SOX6: variants seen among roughly 807,000 people sequenced by gnomAD.
SOX6 encodes the protein SRY-box transcription factor 6.
In SOX6, 11 loss-of-function variants were observed where a neutral mutation model predicts 97.8. That is an observed-to-expected ratio of 0.11 (90% CI 0.07 to 0.19). SOX6 has a LOEUF of 0.19. Ranked by LOEUF, SOX6 falls within the 10% of genes least tolerant of loss-of-function variation. The pLI is 1.00. For missense variants in SOX6, 810 were observed against 1,039.5 expected (o/e 0.78, Z 3.04); for synonymous variants, 360 against 371.4 (o/e 0.97, Z 0.35).
intron 1 of SOX6, 112 bp from the exon 2 acceptor site, chr11:16,341,364 A>C: frequency 2.8e-6 from 4 of 1,443,066 alleles, no homozygotes; most frequent in Non-Finnish European, 3.7e-6. Flanking sequence ...CTTTAGAGAT[A>C]TTTGTGGTCC....
intron 6 of SOX6, among the ~76,000 whole-genome samples, chr11:16,146,595 T>C (rs1428817125): frequency 1.3e-5 from 2 of 151,994 alleles, no homozygotes; most frequent in Admixed American, 6.6e-5. Flanking sequence ...ATTTTTGCAA[T>C]CTACTTATCT....
At chr11:16,316,006 T>C (rs1290319892) in intron 3 of SOX6, 1 of 152,154 alleles carries the variant, frequency 6.6e-6, no homozygotes. Context: ...GAATGCATCA[T>C]ACTGTACTTC....
intron 12 of SOX6, among the ~76,000 whole-genome samples, chr11:16,018,819 T>G (rs1295244382): frequency 6.6e-6 from 1 of 152,080 alleles, no homozygotes; most frequent in Non-Finnish European, 1.5e-5. Flanking sequence ...ATAGTGTCAT[T>G]AAATTTTTAC....
intron 1 of SOX6, among the ~76,000 whole-genome samples, chr11:16,446,913 CTTCTTTCT>C (rs1233515599): frequency 6.9e-6 from 1 of 145,334 alleles, no homozygotes; most frequent in African/African-American, 2.5e-5. Context: ...TCCTTCTTTC[CTTCTTTCT>C]TTCTTTCTGT....
intron 6 of SOX6, among the ~76,000 whole-genome samples, chr11:16,124,693 G>A (rs1352592621): frequency 6.6e-6 from 1 of 151,966 alleles, no homozygotes; most frequent in Non-Finnish European, 1.5e-5. Context: ...GGTTATTTAG[G>A]GCCTTGTAGA....
At chr11:16,142,505 T>C (rs1850171859) in intron 6 of SOX6, among the ~76,000 whole-genome samples, 1 of 152,176 alleles carries the variant, frequency 6.6e-6, no homozygotes, top group South Asian at 2.1e-4. Flanking sequence ...GGACAGAGAA[T>C]GACTTTGACG....
chr11:16,142,916 G>A (rs1457668043), intron 6 of SOX6, among the ~76,000 whole-genome samples: 1 of 152,038 alleles, frequency 6.6e-6, no homozygotes, highest in Non-Finnish European at 1.5e-5. Context: ...AACCAAGTTG[G>A]AAAACACTCT....
At chr11:16,046,439 G>A (rs1855832928) in intron 12 of SOX6, 75 bp downstream of exon 12, 1 of 1,529,208 alleles carries the variant, frequency 6.5e-7, no homozygotes, top group Non-Finnish European at 9.0e-7. Context: ...GTTGATACCT[G>A]GGAGCCTGGA....
rs1853256361 is a variant in SOX6, at chr11:15,970,015, T to C, written c.*2794A>G. 6.6e-6 allele frequency: 1 copy of C among 152,202 alleles called. No homozygotes were observed. Among genetic ancestry groups the C allele is most frequent in the African/African-American group, 2.4e-5 (1 of 41,444 alleles). 9.4% of individuals were successfully genotyped at this position (152,202 alleles called of 1,614,324 possible). ...GCAGAGCTGGAGCTAAAACAAAGTG[T>C]TCATACACACATGTATTTTGCATAA... is the stretch of plus-strand genomic sequence containing the variant. On this transcript the variant is annotated 3_prime_UTR_variant, in exon 16 of 16. Transcript: ENST00000683767.
At chr11:16,668,958 C>T (rs1025484156) in intron 3 of SOX6, among the ~76,000 whole-genome samples, 2 of 152,190 alleles carry the variant, frequency 1.3e-5, no homozygotes, top group African/African-American at 4.8e-5. Context: ...ACTTTAACAC[C>T]ATGCTTTCAG....
At chr11:16,295,642 G>C (rs1433962045) in intron 3 of SOX6, among the ~76,000 whole-genome samples, 2 of 152,108 alleles carry the variant, frequency 1.3e-5, no homozygotes, top group East Asian at 3.9e-4. Flanking sequence ...ATCTAACCTT[G>C]CTGACCCCCT....
intron 6 of SOX6, among the ~76,000 whole-genome samples, chr11:16,147,375 T>C (rs902143233): frequency 4.6e-5 from 7 of 152,028 alleles, no homozygotes; most frequent in Non-Finnish European, 1.0e-4. Flanking sequence ...GAGGGAAGGA[T>C]AGCATTAGGA....
intron 4 of SOX6, among the ~76,000 whole-genome samples, chr11:16,567,561 CTTTTTTTTTTT>C (rs59320140): frequency 2.3e-5 from 2 of 87,322 alleles, no homozygotes; most frequent in African/African-American, 8.1e-5. Context: ...ATATTTTTTT[CTTTTTTTTTTT>C]TTTTTTTTTT....
At chr11:16,169,158 T>A (rs1174195017) in intron 6 of SOX6, among the ~76,000 whole-genome samples, 3 of 152,146 alleles carry the variant, frequency 2.0e-5, no homozygotes, top group Admixed American at 1.3e-4. Context: ...TTTTTATTCT[T>A]AAAACATAGA....
At chr11:16,585,864 G>A (rs1285242715) in intron 4 of SOX6, among the ~76,000 whole-genome samples, 3 of 151,770 alleles carry the variant, frequency 2.0e-5, no homozygotes, top group Non-Finnish European at 2.9e-5. Flanking sequence ...AGTATTTTTT[G>A]TACAGACAGG....
intron 4 of SOX6, among the ~76,000 whole-genome samples, chr11:16,489,822 G>T (rs1860482536): frequency 6.6e-6 from 1 of 152,056 alleles, no homozygotes; most frequent in African/African-American, 2.4e-5. Context: ...GGAACCAGAA[G>T]GCAGTCTAGT....
chr11:16,679,459 A>C (rs1443117782), intron 3 of SOX6, among the ~76,000 whole-genome samples: 2 of 152,236 alleles, frequency 1.3e-5, no homozygotes, highest in Non-Finnish European at 2.9e-5. Flanking sequence ...ACCCCACTGT[A>C]GGTCACCAAC....
At chr11:16,104,453 G>A (rs1447210276) in intron 7 of SOX6, among the ~76,000 whole-genome samples, 2 of 151,752 alleles carry the variant, frequency 1.3e-5, no homozygotes, top group African/African-American at 4.9e-5. Flanking sequence ...TTCTATCTCC[G>A]CTATTTCAAG....
chr11:16,162,488 C>T (rs1173253457), intron 6 of SOX6, among the ~76,000 whole-genome samples: 1 of 152,024 alleles, frequency 6.6e-6, no homozygotes, highest in Admixed American at 6.6e-5. Flanking sequence ...GTGCTGGCTT[C>T]ACAATAGTGA....
Sources: gnomAD v4.1 joint callset for allele counts (sites outside exome capture counted in the v4.1 genomes callset) on GRCh38, gnomAD v4.1.1 for gene constraint, MANE v1.5 for transcripts, NCBI Gene and HGNC (gene_info 2026-07-23, HGNC 2026-07-21) for gene names.